Variants in BORCS5 observed in about 807,000 individuals in gnomAD.
The protein encoded by BORCS5 is BLOC-1 related complex subunit 5.
In BORCS5, 17 loss-of-function variants were observed where a neutral mutation model predicts 22.1. That is an observed-to-expected ratio of 0.77 (90% CI 0.53 to 1.15). BORCS5 has a LOEUF of 1.15. Among genes scored for constraint, BORCS5 ranks in the 50% most tolerant of loss-of-function variants. BORCS5 has a pLI of 0.00. For synonymous variants in BORCS5, 117 were observed against 99.8 expected, an observed-to-expected ratio of 1.17 and a Z score of -1.03; for missense variants, 247 against 253.2, an observed-to-expected ratio of 0.98 and a Z score of 0.17.
chr12:12,465,829 A>G lies in BORCS5; in HGVS notation c.*53A>G, dbSNP rs1943192704. 1 of 1,482,080 alleles carries G rather than the reference A, an allele frequency of 6.7e-7. No homozygotes were observed. The highest frequency in any genetic ancestry group is 1.2e-5 in the South Asian group (1 of 85,746). 91.8% of individuals were successfully genotyped at this position (1,482,080 alleles called of 1,614,324 possible). ...AGCCCCAGACACCGACACCCTGAGG[A>G]CGTGTGGAGCTAAGGTCATATCATC... On this transcript the variant is annotated 3_prime_UTR_variant, in exon 4 of 4. Coordinates refer to ENST00000314565, the MANE Select transcript of BORCS5 (RefSeq NM_058169.6).
In BORCS5 at chr12:12,391,866, T is replaced by TAAA. The variant is rs751674760; in HGVS notation, c.202+30535_202+30537dup. On this transcript the variant is annotated intron_variant, in intron 2 of 3. Coordinates refer to ENST00000314565, the MANE Select transcript of BORCS5 (RefSeq NM_058169.6). ...GGCCGACATGGTGAAACCCCGTCAC[T>TAAA]AAAAAAAAAAAAAAAAAAAACGCTA... is the stretch of plus-strand genomic sequence containing the variant. Among the ~76,000 whole-genome samples, 111 of 64,348 alleles carry TAAA rather than the reference T, an allele frequency of 1.7e-3. 1 individual carries two copies. Among genetic ancestry groups the TAAA allele is most frequent in the Middle Eastern group, 0.015 (1 of 66 alleles). 42.2% of individuals were successfully genotyped at this position (64,348 alleles called of 152,430 possible). A position where few individuals can be genotyped will look rare whatever the true frequency, so the allele number is the denominator to read the frequency against.
Position 12,406,656 on chromosome 12 carries a change from C to T in BORCS5, c.203-28972C>T, listed in dbSNP as rs576684048. ...AAAAAACAAACAAACAAAAAAAAAA[C>T]GTGTCAGGTCCCTAATGTGATTGCT... On this transcript the variant is annotated intron_variant, in intron 2 of 3. Coordinates refer to ENST00000314565, the MANE Select transcript of BORCS5 (RefSeq NM_058169.6). Among the ~76,000 whole-genome samples, 8 of 149,930 alleles carry T rather than the reference C, an allele frequency of 5.3e-5. No individual in the cohort carries two copies. In the East Asian group the frequency reaches 9.7e-4, roughly 18 times the overall value.
At chr12:12,427,125 A>G (rs1942305348) in intron 2 of BORCS5, among the ~76,000 whole-genome samples, 1 of 151,844 alleles carries the variant, frequency 6.6e-6, no homozygotes, top group Non-Finnish European at 1.5e-5. Context: ...CACATCACAA[A>G]ATTCTCTCCA....
chr12:12,374,758 G>T (rs1333005374), intron 2 of BORCS5, among the ~76,000 whole-genome samples: 1 of 152,080 alleles, frequency 6.6e-6, no homozygotes, highest in Non-Finnish European at 1.5e-5. Context: ...AGGAGTTTGA[G>T]ACCACCCTGG....
intron 2 of BORCS5, among the ~76,000 whole-genome samples, chr12:12,414,257 GC>G (rs1357016965): frequency 1.0e-4 from 6 of 60,128 alleles, no homozygotes; most frequent in Non-Finnish European, 1.0e-4. Flanking sequence ...GGGCAGAGGG[GC>G]TCCTCACTTC....
intron 2 of BORCS5, among the ~76,000 whole-genome samples, chr12:12,399,867 G>A (rs1941428258): frequency 6.6e-6 from 1 of 152,160 alleles, no homozygotes; most frequent in Non-Finnish European, 1.5e-5. Flanking sequence ...TATTAACTGA[G>A]TCAGTAACTC....
intron 2 of BORCS5, among the ~76,000 whole-genome samples, chr12:12,401,173 AG>A (rs1941463731): frequency 6.6e-6 from 1 of 152,208 alleles, no homozygotes; most frequent in Admixed American, 6.5e-5. Flanking sequence ...GTATGTAACT[AG>A]GAACAAATTG....
intron 2 of BORCS5, among the ~76,000 whole-genome samples, chr12:12,399,103 A>T (rs1438170877): frequency 6.6e-6 from 1 of 152,124 alleles, no homozygotes; most frequent in Non-Finnish European, 1.5e-5. Context: ...CTAAAACAGT[A>T]TGTGTTTTAC....
intron 2 of BORCS5, among the ~76,000 whole-genome samples, chr12:12,416,002 T>C (rs903872747): frequency 1.3e-5 from 2 of 152,198 alleles, no homozygotes; most frequent in African/African-American, 2.4e-5. Context: ...TCAATCTCCT[T>C]ACTAATTATA....
intron 2 of BORCS5, among the ~76,000 whole-genome samples, chr12:12,391,178 G>A (rs1941172751): frequency 1.3e-5 from 2 of 152,082 alleles, no homozygotes; most frequent in South Asian, 2.1e-4. Context: ...ATACTGCAAG[G>A]TTCTGACCTT....
intron 2 of BORCS5, among the ~76,000 whole-genome samples, chr12:12,414,426 C>T (rs1456418751): frequency 1.9e-5 from 2 of 103,722 alleles, no homozygotes; most frequent in East Asian, 2.7e-4. Flanking sequence ...GCTGGCCGGG[C>T]GGGGGGCTGA....
intron 1 of BORCS5, among the ~76,000 whole-genome samples, chr12:12,358,962 C>T (rs1201268666): frequency 1.3e-5 from 2 of 152,206 alleles, no homozygotes; most frequent in Non-Finnish European, 2.9e-5. Context: ...CAGAACAGTT[C>T]TATGGCATCC....
chr12:12,379,061 C>T (rs1863718212), intron 2 of BORCS5, among the ~76,000 whole-genome samples: 1 of 151,150 alleles, frequency 6.6e-6, no homozygotes, highest in East Asian at 1.9e-4. Flanking sequence ...CATCTGGAAT[C>T]CTATACTTTA....
At chr12:12,459,092 C>T (rs1943054899) in intron 3 of BORCS5, among the ~76,000 whole-genome samples, 1 of 151,768 alleles carries the variant, frequency 6.6e-6, no homozygotes, top group South Asian at 2.1e-4. Flanking sequence ...GACAGGGTTT[C>T]TCCATGTTGG....
chr12:12,456,758 C>T (rs775580738), intron 3 of BORCS5, among the ~76,000 whole-genome samples: 12 of 151,724 alleles, frequency 7.9e-5, no homozygotes, highest in Non-Finnish European at 1.2e-4. Context: ...TCAGTTATTA[C>T]GTAGTGCGAA....
chr12:12,458,531 CT>C (rs1178596869), intron 3 of BORCS5, among the ~76,000 whole-genome samples: 4 of 150,694 alleles, frequency 2.7e-5, no homozygotes, highest in South Asian at 4.2e-4. Flanking sequence ...ATGAAATGTT[CT>C]CAGTCTGCTG....
At chr12:12,385,351 A>C (rs540151552) in intron 2 of BORCS5, among the ~76,000 whole-genome samples, 1 of 151,414 alleles carries the variant, frequency 6.6e-6, no homozygotes, top group South Asian at 2.1e-4. Context: ...GATGCTACCT[A>C]TTGTTCCAAA....
Position 12,382,027 on chromosome 12 carries a change from C to T in BORCS5, c.202+20678C>T, listed in dbSNP as rs141525451. On this transcript the variant is annotated intron_variant, in intron 2 of 3. Coordinates refer to ENST00000314565, the MANE Select transcript of BORCS5 (RefSeq NM_058169.6). ...TTTCATCATTATGAAACACCGTTCT[C>T]TAATATTACTCTCTGTCTTTATTTC... Among the ~76,000 whole-genome samples the T allele has an allele frequency of 3.8e-3, 575 of 151,560 alleles. 23 individuals are homozygous for T. The highest frequency in any genetic ancestry group is 6.8e-3 in the Non-Finnish European group (459 of 67,722).
chr12:12,390,280 T>C (rs1167698020), intron 2 of BORCS5, among the ~76,000 whole-genome samples: 1 of 152,100 alleles, frequency 6.6e-6, no homozygotes, highest in Admixed American at 6.5e-5. Flanking sequence ...TAATAGTTCA[T>C]CCCACTAGAA....
Sources: gnomAD v4.1 joint callset for allele counts (sites outside exome capture counted in the v4.1 genomes callset) on GRCh38, gnomAD v4.1.1 for gene constraint, MANE v1.5 for transcripts, NCBI Gene and HGNC (gene_info 2026-07-23, HGNC 2026-07-21) for gene names.